Variants in CD22 observed in about 807,000 individuals in gnomAD.
The protein encoded by CD22 is CD22 molecule.
CD22 carries 51 observed loss-of-function variants against 94.7 expected under a neutral mutation model. That is an observed-to-expected ratio of 0.54 (90% CI 0.43 to 0.68). The LOEUF is 0.68. Among genes scored for constraint, CD22 ranks in the 30% least tolerant of loss-of-function variants. The pLI is 0.00. For missense variants in CD22, 931 were observed against 1,060.4 expected (o/e 0.88, Z 1.69); for synonymous variants, 424 against 422.5 (o/e 1.00, Z -0.04).
chr19:35,337,610 C>T lies in CD22; in HGVS notation c.719-145C>T. 1.4e-6 allele frequency: 1 copy of T among 691,948 alleles called. No individual in the cohort carries two copies. The highest frequency in any genetic ancestry group is 2.4e-6 in the Non-Finnish European group (1 of 422,600). 42.9% of individuals were successfully genotyped at this position (691,948 alleles called of 1,614,324 possible). A position where few individuals can be genotyped will look rare whatever the true frequency, so the allele number is the denominator to read the frequency against. ...AAGTAGAGGAAGTGGGAGGGGGAAGCTGAGAGCCGAGTTAGGAGGCTGTGA... is the reference window on the plus strand; with the variant it reads ...AAGTAGAGGAAGTGGGAGGGGGAAGTTGAGAGCCGAGTTAGGAGGCTGTGA... On this transcript the variant is annotated intron_variant, in intron 4 of 13. Transcript: ENST00000085219. This position sits in a 1 kb window ranked among gnomAD's most constrained non-coding sequence, Gnocchi z 4.4.
In CD22 at chr19:35,345,698, G is replaced by A. The variant is rs750500762; in HGVS notation, c.2305G>A (p.Glu769Lys). 1.6e-5 allele frequency: 25 copies of A among 1,612,450 alleles called. No homozygotes were observed. The Admixed American group carries it at 3.2e-4, about 20-fold the overall frequency. Reference protein sequence around the residue: ...GISYTTLRFPEMNIPRTGDAE... With the variant: ...GISYTTLRFPKMNIPRTGDAE... ...TAGCTACACCACCCTGCGCTTTCCC[G>A]AGATGAACATACCACGAACTGGGTA... Residue 769 changes from glutamate to lysine, a missense_variant, in exon 12 of 14, where the codon GAG becomes AAG. Glu to Lys is a moderately conservative substitution (Grantham distance 56). Transcript: ENST00000085219.
At chr19:35,332,954 T>C in intron 3 of CD22, 30 bp downstream of exon 3, 1 of 1,604,402 alleles carries the variant, frequency 6.2e-7, no homozygotes, top group Non-Finnish European at 8.5e-7. Flanking sequence ...GGTCCTCTGC[T>C]CTGGGCAGGG....
At chr19:35,333,098 G>C in intron 3 of CD22, 174 bp downstream of exon 3, 1 of 615,956 alleles carries the variant, frequency 1.6e-6, no homozygotes, top group Non-Finnish European at 2.7e-6. Context: ...CGGGACCTCG[G>C]ATGTCCCATC....
intron 12 of CD22, 131 bp downstream of exon 12, chr19:35,345,851 C>G (rs957931183): frequency 2.8e-6 from 2 of 711,086 alleles, no homozygotes; most frequent in African/African-American, 3.5e-5. Flanking sequence ...CATTCCCACT[C>G]GGCAACAAGC....
chr19:35,342,784 C>T (rs535737075), intron 9 of CD22, among the ~76,000 whole-genome samples: 2 of 152,144 alleles, frequency 1.3e-5, no homozygotes, highest in South Asian at 4.1e-4. Flanking sequence ...TCAGCCCTGA[C>T]AGGCTCCTTG....
chr19:35,331,899 C>T, intron 1 of CD22, 120 bp from the exon 2 acceptor site: 4 of 1,559,196 alleles, frequency 2.6e-6, no homozygotes, highest in Non-Finnish European at 3.5e-6. Flanking sequence ...CCCCATAATG[C>T]AACCAGACCC....
chr19:35,336,283 G>A lies in CD22; in HGVS notation c.660G>A (p.Gln220=), dbSNP rs1392929868. 1 of 1,614,114 alleles carries A rather than the reference G, an allele frequency of 6.2e-7. No individual in the cohort carries two copies. Among genetic ancestry groups the A allele is most frequent in the Non-Finnish European group, 8.5e-7 (1 of 1,180,042 alleles). ...WSHHGKIVTC[Q]LQDADGKFLS... is the part of the protein sequence containing the mutation. Reference sequence around the variant, plus strand: ...ACCATGGGAAGATTGTGACCTGCCAGCTTCAGGATGCAGATGGGAAGTTCC... The same window carrying A: ...ACCATGGGAAGATTGTGACCTGCCAACTTCAGGATGCAGATGGGAAGTTCC... Residue 220 remains glutamine (Q), a synonymous_variant, in exon 4 of 14, where the codon CAG becomes CAA. Transcript: ENST00000085219.
chr19:35,333,025 C>A, intron 3 of CD22, 101 bp downstream of exon 3: 3 of 1,314,986 alleles, frequency 2.3e-6, no homozygotes, highest in Non-Finnish European at 3.1e-6. Context: ...GAGCTTCCTG[C>A]AGAGCTCAGG....
chr19:35,341,955 C>A lies in CD22; in HGVS notation c.2025C>A (p.Leu675=). ...AGGGCCGTTCGCCTCTCAGCACCCT[C>A]ACCGTCTACTGTAAGGCCTCTTCCT... The part of the protein sequence containing the change: ...VGKGRSPLST[L]TVYYSPETIG... The change falls in exon 9 of 14, where the codon CTC becomes CTA. Residue 675 remains leucine (L), a synonymous_variant. Transcript: ENST00000085219. This position sits in a 1 kb window ranked among gnomAD's most constrained non-coding sequence, Gnocchi z 4.0. 6.2e-7 allele frequency: 1 copy of A among 1,612,478 alleles called. No individual in the cohort carries two copies. The highest frequency in any genetic ancestry group is 8.5e-7 in the Non-Finnish European group (1 of 1,179,138).
At chr19:35,336,434 C>G (rs2066725752) in intron 4 of CD22, 93 bp downstream of exon 4, 1 of 1,259,968 alleles carries the variant, frequency 7.9e-7, no homozygotes, top group Admixed American at 2.3e-5. Flanking sequence ...CAGGGGGAAG[C>G]CTGCACAGAC....
chr19:35,339,333 A>T (rs1296114893), intron 6 of CD22, among the ~76,000 whole-genome samples: 1 of 149,458 alleles, frequency 6.7e-6, no homozygotes, highest in East Asian at 2.0e-4. Context: ...AGGCCAAGGT[A>T]GGCAGCTCAC....
At chr19:35,332,965 G>C in intron 3 of CD22, 41 bp downstream of exon 3, 1 of 1,583,820 alleles carries the variant, frequency 6.3e-7, no homozygotes, top group Non-Finnish European at 8.6e-7. Flanking sequence ...CTGGGCAGGG[G>C]TGAGTGGGAG....
intron 1 of CD22, chr19:35,330,623 CAGAG>C (rs2066631561): frequency 6.6e-6 from 1 of 152,198 alleles, no homozygotes; most frequent in Non-Finnish European, 1.5e-5. Flanking sequence ...GATAAACAGA[CAGAG>C]AGAGGAACAT....
In CD22 at chr19:35,346,645, G is replaced by A. The variant is rs1372122484; in HGVS notation, c.2492G>A (p.Gly831Glu). The part of the protein sequence containing the change: ...HYSELIQFGV[G>E]ERPQAQENVD... ...TCAGAGCTGATCCAGTTTGGGGTCG[G>A]GGAGCGGCCTCAGGCACAAGAAAAT... The change falls in exon 14 of 14, where the codon GGG becomes GAG. Residue 831 changes from glycine (G) to glutamate (E), a missense_variant. Physicochemically the swap from Gly to Glu is moderately conservative, Grantham distance 98. Transcript: ENST00000085219. 1.2e-6 allele frequency: 2 copies of A among 1,608,588 alleles called. No individual in the cohort carries two copies. The highest frequency in any genetic ancestry group is 3.4e-5 in the Admixed American group (2 of 59,224).
At chr19:35,330,986 A>G (rs1000009513) in intron 1 of CD22, 11 of 152,008 alleles carry the variant, frequency 7.2e-5, no homozygotes, top group African/African-American at 2.4e-4. Flanking sequence ...CAGTTGCATG[A>G]TCTCGGCTCA....
At chr19:35,332,259 G>A in intron 2 of CD22, 185 bp downstream of exon 2, 2 of 662,076 alleles carry the variant, frequency 3.0e-6, no homozygotes, top group Non-Finnish European at 5.2e-6. Context: ...ATTGCATCCT[G>A]CTGTCTTTGT....
At chr19:35,332,463 T>A in intron 2 of CD22, 84 bp from the exon 3 acceptor site, 1 of 1,370,660 alleles carries the variant, frequency 7.3e-7, no homozygotes, top group Non-Finnish European at 9.7e-7. Flanking sequence ...GAATAAAAAA[T>A]TAAACAAATT....
chr19:35,342,010 CTT>C, intron 9 of CD22, 45 bp downstream of exon 9: 1 of 361,166 alleles, frequency 2.8e-6, no homozygotes, highest in African/African-American at 1.4e-4. Context: ...GTGGTCAGTC[CTT>C]CCTTCCTTCC....
chr19:35,335,421 G>A (rs993849151), intron 3 of CD22, among the ~76,000 whole-genome samples: 1 of 152,180 alleles, frequency 6.6e-6, no homozygotes, highest in South Asian at 2.1e-4. Flanking sequence ...GCTAGGTGTG[G>A]TGGCACATGC....
Sources: allele counts gnomAD v4.1 joint callset (sites outside exome capture counted in the v4.1 genomes callset), GRCh38; gene constraint gnomAD v4.1.1; non-coding constraint Gnocchi (gnomAD v3.1); transcripts MANE v1.5; gene names NCBI Gene and HGNC (gene_info 2026-07-23, HGNC 2026-07-21).